VIPR2: variants seen among roughly 807,000 people sequenced by gnomAD.
The protein encoded by VIPR2 is vasoactive intestinal peptide receptor 2.
In VIPR2, 48 loss-of-function variants were observed where a neutral mutation model predicts 58.0. The observed-to-expected ratio is 0.83, with a 90% CI of 0.66 to 1.05. The LOEUF (loss-of-function observed/expected upper bound fraction) is 1.05. Ranked by LOEUF, VIPR2 falls within the 50% of genes least tolerant of loss-of-function variation. The pLI is 0.00. For missense variants in VIPR2, 534 were observed against 558.0 expected (o/e 0.96, Z 0.43); for synonymous variants, 243 against 235.2 (o/e 1.03, Z -0.30).
chr7:159,059,268 TA>T (rs199756826), intron 4 of VIPR2: 1 of 471,178 alleles, frequency 2.1e-6, no homozygotes, highest in Admixed American at 2.3e-5. Context: ...CCTGTTGCGA[TA>T]AAAACCAGCA....
Position 159,031,876 on chromosome 7 carries a change from T to C in VIPR2, c.1102-7A>G, listed in dbSNP as rs1404810719. ...GGACGGCCACCACCAGGCCCTGCAA[T>C]GAGAAGAGATGGTCAGGCAGGACCC... On this transcript the variant is annotated splice_region_variant and splice_polypyrimidine_tract_variant and intron_variant, in intron 11 of 12. Transcript: ENST00000262178. The surrounding 1 kb of genome is among the most constrained non-coding windows in gnomAD (Gnocchi z 4.0). The C allele has an allele frequency of 3.7e-6, 6 of 1,613,836 alleles. No individual in the cohort carries two copies. Among genetic ancestry groups the C allele is most frequent in the Non-Finnish European group, 4.2e-6 (5 of 1,180,008 alleles).
At chr7:159,132,533 C>T (rs1796963304) in intron 2 of VIPR2, among the ~76,000 whole-genome samples, 2 of 152,264 alleles carry the variant, frequency 1.3e-5, no homozygotes, top group African/African-American at 4.8e-5. Flanking sequence ...TCCATGGAGT[C>T]TGGGACACCC....
chr7:159,045,405 G>C (rs1854584592), intron 5 of VIPR2, among the ~76,000 whole-genome samples: 1 of 152,184 alleles, frequency 6.6e-6, no homozygotes, highest in Non-Finnish European at 1.5e-5. Flanking sequence ...ATAGAACTGA[G>C]AGTCCAGAAA....
intron 4 of VIPR2, among the ~76,000 whole-genome samples, chr7:159,080,456 T>C (rs1431305428): frequency 2.0e-5 from 3 of 152,222 alleles, no homozygotes. Flanking sequence ...TAGGTATTGA[T>C]GGGATGTATC....
chr7:159,079,536 C>T (rs1856801410), intron 4 of VIPR2, among the ~76,000 whole-genome samples: 1 of 152,136 alleles, frequency 6.6e-6, no homozygotes, highest in Non-Finnish European at 1.5e-5. Flanking sequence ...CTAAAATTGA[C>T]ACCCTAACAT....
chr7:159,076,967 A>G (rs1856667790), intron 4 of VIPR2, among the ~76,000 whole-genome samples: 1 of 152,210 alleles, frequency 6.6e-6, no homozygotes, highest in Non-Finnish European at 1.5e-5. Flanking sequence ...TAAAAGTCTA[A>G]TCTGAGACTC....
chr7:159,132,619 A>AGC (rs1245575954), intron 2 of VIPR2, among the ~76,000 whole-genome samples: 4 of 152,250 alleles, frequency 2.6e-5, no homozygotes, highest in Admixed American at 2.6e-4. Context: ...AAATGGGTGC[A>AGC]GCTCAGGGGG....
chr7:159,107,645 G>A (rs575227213), intron 3 of VIPR2, among the ~76,000 whole-genome samples: 18 of 152,092 alleles, frequency 1.2e-4, no homozygotes, highest in African/African-American at 2.2e-4. Context: ...TTCTGGAACC[G>A]CTGCAGGGCA....
intron 2 of VIPR2, among the ~76,000 whole-genome samples, chr7:159,123,767 A>C (rs963463924): frequency 1.3e-5 from 2 of 152,176 alleles, no homozygotes; most frequent in Non-Finnish European, 1.5e-5. Flanking sequence ...CACTCCCTCC[A>C]ACAGTGTATA....
intron 6 of VIPR2, 76 bp downstream of exon 6, chr7:159,042,959 G>C: frequency 6.5e-7 from 1 of 1,542,426 alleles, no homozygotes. Context: ...CCAGCACAGA[G>C]ACGTCCTCAT....
chr7:159,031,867 G>A lies in VIPR2; in HGVS notation c.1104C>T (p.Gly368=). The A allele has an allele frequency of 1.2e-6, 2 of 1,614,096 alleles. No individual in the cohort carries two copies. The highest frequency in any genetic ancestry group is 1.7e-6 in the Non-Finnish European group (2 of 1,180,036). The change falls in exon 12 of 13, where the codon GGC becomes GGT. Residue 368 remains glycine (G), a splice_region_variant and synonymous_variant. Transcript: ENST00000262178. This position sits in a 1 kb window ranked among gnomAD's most constrained non-coding sequence, Gnocchi z 4.0. ...LFELCLGSFQ[G]LVVAVLYCFL... Reference sequence around the variant, plus strand: ...AACAGTAGAGGACGGCCACCACCAGGCCCTGCAATGAGAAGAGATGGTCAG... The same window carrying A: ...AACAGTAGAGGACGGCCACCACCAGACCCTGCAATGAGAAGAGATGGTCAG...
chr7:159,132,822 G>A (rs1210145532), intron 2 of VIPR2, among the ~76,000 whole-genome samples: 1 of 140,762 alleles, frequency 7.1e-6, no homozygotes, highest in Non-Finnish European at 1.6e-5. Flanking sequence ...TTGGCATACC[G>A]ATTGATTTGA....
chr7:159,138,077 G>A (rs1276674561), intron 2 of VIPR2, among the ~76,000 whole-genome samples: 2 of 152,184 alleles, frequency 1.3e-5, no homozygotes, highest in Non-Finnish European at 2.9e-5. Context: ...TGAGGACCAC[G>A]AACAGCGAGC....
chr7:159,054,770 A>G (rs1041842579), intron 5 of VIPR2, among the ~76,000 whole-genome samples: 2 of 152,142 alleles, frequency 1.3e-5, no homozygotes, highest in Non-Finnish European at 2.9e-5. Flanking sequence ...TTTTTAATAA[A>G]TTTATTTTTA....
At chr7:159,032,387 C>G (rs1405640531) in intron 10 of VIPR2, among the ~76,000 whole-genome samples, 1 of 152,192 alleles carries the variant, frequency 6.6e-6, no homozygotes, top group Non-Finnish European at 1.5e-5. Flanking sequence ...TGACCCCAAA[C>G]CTACACAGGC....
intron 4 of VIPR2, among the ~76,000 whole-genome samples, chr7:159,083,815 C>T (rs915067855): frequency 1.3e-5 from 2 of 152,204 alleles, no homozygotes; most frequent in African/African-American, 4.8e-5. Flanking sequence ...GAACTGTGTC[C>T]CTAACTGCAG....
chr7:159,117,016 C>A, intron 2 of VIPR2: 1 of 355,506 alleles, frequency 2.8e-6, no homozygotes, highest in East Asian at 5.2e-5. Context: ...ACATGCTCCC[C>A]CTTATCTAGG....
chr7:159,034,092 G>C, intron 10 of VIPR2, 121 bp downstream of exon 10: 1 of 902,228 alleles, frequency 1.1e-6, no homozygotes, highest in Non-Finnish European at 1.7e-6. Context: ...GCCCAGCCTC[G>C]AGGTGTGACA....
intron 4 of VIPR2, among the ~76,000 whole-genome samples, chr7:159,081,223 C>T (rs1199857354): frequency 1.3e-5 from 2 of 152,180 alleles, no homozygotes; most frequent in Non-Finnish European, 2.9e-5. Flanking sequence ...AACTATATTA[C>T]AAGGCTACAG....
Sources: allele counts gnomAD v4.1 joint callset (sites outside exome capture counted in the v4.1 genomes callset), GRCh38; gene constraint gnomAD v4.1.1; non-coding constraint Gnocchi (gnomAD v3.1); transcripts MANE v1.5; gene names NCBI Gene and HGNC (gene_info 2026-07-23, HGNC 2026-07-21).